MYO10: variants seen among roughly 807,000 people sequenced by gnomAD.
The protein encoded by MYO10 is myosin X.
Under a neutral mutation model 257.3 loss-of-function variants are expected in MYO10, and 133 were observed. The ratio of observed to expected loss-of-function variants is 0.52; its 90% CI spans 0.45 to 0.60. The LOEUF is 0.60. Among genes scored for constraint, MYO10 ranks in the 20% least tolerant of loss-of-function variants. The pLI is 0.00. For synonymous variants in MYO10, 1,104 were observed against 1,028.6 expected, an observed-to-expected ratio of 1.07 and a Z score of -1.40; for missense variants, 2,399 against 2,635.7, an observed-to-expected ratio of 0.91 and a Z score of 1.97.
chr5:16,761,401 A>G, intron 17 of MYO10, 63 bp downstream of exon 17: 1 of 1,299,670 alleles, frequency 7.7e-7, no homozygotes, highest in Admixed American at 1.8e-5. Flanking sequence ...TTTGTGAATT[A>G]AAAGCATTTG....
chr5:16,701,016 T>C lies in MYO10; in HGVS notation c.3379A>G (p.Thr1127Ala), dbSNP rs773493896. 3.1e-5 allele frequency: 48 copies of C among 1,561,904 alleles called. No individual in the cohort carries two copies. Among genetic ancestry groups the C allele is most frequent in the Admixed American group, 3.8e-5 (2 of 52,108 alleles). ...CGGTAGGCACCCGAGCTGTTGTAGG[T>C]CCCCACAGAGCAGCGGTAGTCGGGG... ...WSPDYRCSVG[T>A]YNSSGAYRFS... Residue 1127 changes from threonine (T) to alanine (A), a missense_variant, in exon 25 of 41, where the codon ACC (threonine) becomes GCC (alanine). Transcript: ENST00000513610. This position sits in a 1 kb window ranked among gnomAD's most constrained non-coding sequence, Gnocchi z 8.1.
intron 19 of MYO10, among the ~76,000 whole-genome samples, chr5:16,726,151 C>G (rs1314003564): frequency 1.3e-5 from 2 of 152,170 alleles, no homozygotes; most frequent in African/African-American, 2.4e-5. Context: ...TGCAGTAGCA[C>G]ATCTGCTGAC....
intron 3 of MYO10, among the ~76,000 whole-genome samples, chr5:16,812,935 T>A (rs1211747168): frequency 6.6e-6 from 1 of 152,006 alleles, no homozygotes; most frequent in Non-Finnish European, 1.5e-5. Context: ...TATTTTTTTT[T>A]TTTTTTTATC....
At chr5:16,709,191 T>A (rs1380982696) in intron 21 of MYO10, among the ~76,000 whole-genome samples, 1 of 152,026 alleles carries the variant, frequency 6.6e-6, no homozygotes, top group African/African-American at 2.4e-5. Flanking sequence ...CACTGAGGAA[T>A]GTCAAAAAAG....
chr5:16,718,201 C>T (rs1436048554), intron 19 of MYO10, among the ~76,000 whole-genome samples: 1 of 152,212 alleles, frequency 6.6e-6, no homozygotes, highest in Admixed American at 6.5e-5. Context: ...GAGCAAGGCT[C>T]GGGACCTGCA....
chr5:16,898,411 CTCT>C (rs780353413), intron 1 of MYO10, among the ~76,000 whole-genome samples: 2 of 119,982 alleles, frequency 1.7e-5, no homozygotes, highest in Non-Finnish European at 3.5e-5. Context: ...AAATTTCTTT[CTCT>C]TTTTTTTTTT....
At chr5:16,758,527 G>A (rs1740601566) in intron 17 of MYO10, among the ~76,000 whole-genome samples, 2 of 152,184 alleles carry the variant, frequency 1.3e-5, no homozygotes, top group South Asian at 4.1e-4. Context: ...CTAAGCCTCT[G>A]TAGCCTCGGT....
At chr5:16,873,973 A>G (rs1470741307) in intron 2 of MYO10, among the ~76,000 whole-genome samples, 6 of 151,952 alleles carry the variant, frequency 3.9e-5, no homozygotes, top group Admixed American at 3.9e-4. Flanking sequence ...CCATGGTCTT[A>G]GGGATTAACA....
chr5:16,829,813 G>A (rs1228322134), intron 2 of MYO10, among the ~76,000 whole-genome samples: 1 of 152,120 alleles, frequency 6.6e-6, no homozygotes, highest in Non-Finnish European at 1.5e-5. Flanking sequence ...CCCAGGCCCT[G>A]AGCACTCTTG....
intron 1 of MYO10, among the ~76,000 whole-genome samples, chr5:16,900,665 AC>A (rs1252023113): frequency 6.6e-6 from 1 of 150,966 alleles, no homozygotes; most frequent in Non-Finnish European, 1.5e-5. Flanking sequence ...AGTCCCCCAA[AC>A]CCACCCCATC....
At chr5:16,751,925 A>G (rs1353214142) in intron 19 of MYO10, among the ~76,000 whole-genome samples, 1 of 152,186 alleles carries the variant, frequency 6.6e-6, no homozygotes, top group Non-Finnish European at 1.5e-5. Flanking sequence ...GAGTTAGTTC[A>G]TTTTCTAAAT....
At chr5:16,935,319 C>T (rs1390564441) in intron 1 of MYO10, among the ~76,000 whole-genome samples, 2 of 152,202 alleles carry the variant, frequency 1.3e-5, no homozygotes, top group Admixed American at 6.5e-5. Flanking sequence ...CTTCATTAAG[C>T]CGTCTCCTCT....
At chr5:16,818,953 GT>G (rs756449131) in intron 2 of MYO10, among the ~76,000 whole-genome samples, 7 of 152,084 alleles carry the variant, frequency 4.6e-5, no homozygotes, top group Non-Finnish European at 7.4e-5. Flanking sequence ...CCTATATAAT[GT>G]TTCATATTGA....
rs1192913767 is a variant in MYO10 at position 16,664,035 on chromosome 5, A to AG, written c.*2656dup. Reference sequence around the variant, plus strand: ...TAAAATTGGAATAGGTTCTGTGGCTAGGGGAAGCTCAACGGTACTTTGTCA... The same window carrying AG: ...TAAAATTGGAATAGGTTCTGTGGCTAGGGGGAAGCTCAACGGTACTTTGTCA... On this transcript the variant is annotated 3_prime_UTR_variant, in exon 41 of 41. Coordinates refer to ENST00000513610, the MANE Select transcript of MYO10 (RefSeq NM_012334.3). 5 of 152,140 alleles carry AG rather than the reference A, an allele frequency of 3.3e-5. No homozygotes were observed. The highest frequency in any genetic ancestry group is 1.2e-4 in the African/African-American group (5 of 41,434). The allele number at this position is 152,140 out of a possible 1,614,324, so 9.4% of individuals were successfully genotyped here. A position where few individuals can be genotyped will look rare whatever the true frequency, so the allele number is the denominator to read the frequency against.
chr5:16,827,759 CAAAAT>C (rs1743044489), intron 2 of MYO10, among the ~76,000 whole-genome samples: 3 of 152,086 alleles, frequency 2.0e-5, no homozygotes, highest in Admixed American at 2.0e-4. Context: ...GGTGCCAAAA[CAAAAT>C]AAGAGGGCCA....
intron 2 of MYO10, among the ~76,000 whole-genome samples, chr5:16,848,155 C>CTTTTTTTTTTTTCTTTCTTTTTTT (rs1554002458): frequency 8.8e-6 from 1 of 113,594 alleles, no homozygotes; most frequent in Admixed American, 9.1e-5. Context: ...CTACACATTT[C>CTTTTTTTTTTTTCTTTCTTTTTTT]TTTTTTTTTT....
intron 1 of MYO10, among the ~76,000 whole-genome samples, chr5:16,921,978 G>A (rs954226660): frequency 6.6e-6 from 1 of 152,112 alleles, no homozygotes; most frequent in African/African-American, 2.4e-5. Context: ...ATTTTGGGAG[G>A]CTGAGGCAGG....
intron 10 of MYO10, 97 bp downstream of exon 10, chr5:16,768,977 G>A (rs932688849): frequency 1.1e-5 from 16 of 1,408,358 alleles, no homozygotes; most frequent in East Asian, 2.7e-5. Flanking sequence ...CACCTGGCCA[G>A]AATTTTCTTT....
intron 1 of MYO10, among the ~76,000 whole-genome samples, chr5:16,919,702 C>T (rs1186124600): frequency 1.3e-5 from 2 of 152,122 alleles, no homozygotes; most frequent in African/African-American, 4.8e-5. Flanking sequence ...ACAGGCCGGG[C>T]GCAGTGGTTC....
Sources: allele counts gnomAD v4.1 joint callset (sites outside exome capture counted in the v4.1 genomes callset), GRCh38; gene constraint gnomAD v4.1.1; non-coding constraint Gnocchi (gnomAD v3.1); transcripts MANE v1.5; gene names NCBI Gene and HGNC (gene_info 2026-07-23, HGNC 2026-07-21).